Variants in TLR3 observed in about 807,000 individuals in gnomAD.
TLR3 encodes toll-like receptor 3.
A neutral mutation model predicts 66.4 loss-of-function variants in TLR3; 43 were observed. The ratio of observed to expected loss-of-function variants is 0.65; its 90% CI spans 0.51 to 0.83. TLR3 has a LOEUF of 0.83. Among genes scored for constraint, TLR3 ranks in the 40% least tolerant of loss-of-function variants. TLR3 has a pLI of 0.00. For missense variants in TLR3, 982 were observed against 1,044.6 expected, an observed-to-expected ratio of 0.94 and a Z score of 0.83; for synonymous variants, 397 against 397.2, an observed-to-expected ratio of 1.00 and a Z score of 0.01.
At position 186,087,632 on chromosome 4, in the gene TLR3, T is replaced by C. The variant is rs552480040; in HGVS notation, c.*2759T>C. 2 of 152,344 alleles carry C rather than the reference T, an allele frequency of 1.3e-5. No homozygotes were observed. Among genetic ancestry groups the C allele is most frequent in the East Asian group, 3.9e-4 (2 of 5,190 alleles). The allele number at this position is 152,344 out of a possible 1,614,324, so 9.4% of individuals were successfully genotyped here. On this transcript the variant is annotated 3_prime_UTR_variant, in exon 5 of 5. Transcript: ENST00000296795. The stretch of plus-strand genomic sequence containing the variant: ...GGTTGTACCTAAAAATGATAACTTT[T>C]AGACTGTAATCAGAGGTAGATGCTA...
intron 2 of TLR3, 149 bp downstream of exon 2, chr4:186,077,209 CA>C: frequency 1.2e-6 from 1 of 835,490 alleles, no homozygotes; most frequent in Non-Finnish European, 1.8e-6. Context: ...AAAATGCTTC[CA>C]AAAGAGAAAA....
intron 1 of TLR3, among the ~76,000 whole-genome samples, chr4:186,075,930 C>A (rs1229662137): frequency 1.3e-5 from 2 of 152,224 alleles, no homozygotes; most frequent in African/African-American, 4.8e-5. Flanking sequence ...CTGAAGTGGG[C>A]AGATCATGAA....
intron 1 of TLR3, among the ~76,000 whole-genome samples, chr4:186,073,575 G>GAT (rs1328199937): frequency 6.6e-6 from 1 of 151,752 alleles, no homozygotes; most frequent in Non-Finnish European, 1.5e-5. Context: ...AAAAAACCAT[G>GAT]ACTCCTACTT....
At position 186,076,703 on chromosome 4, in the gene TLR3, C is replaced by T; in HGVS notation, c.84C>T (p.Cys28=). Reference sequence around the variant, plus strand: ...TGTGTGCATCCTCCACCACCAAGTGCACTGTTAGCCATGAAGTTGCTGACT... The same window carrying T: ...TGTGTGCATCCTCCACCACCAAGTGTACTGTTAGCCATGAAGTTGCTGACT... ...GMLCASSTTK[C]TVSHEVADCS... Residue 28 remains cysteine (C), a synonymous_variant, in exon 2 of 5, where the codon TGC becomes TGT. Transcript: ENST00000296795. The T allele has an allele frequency of 2.5e-6, 4 of 1,614,172 alleles. No individual in the cohort carries two copies. Among genetic ancestry groups the T allele is most frequent in the Non-Finnish European group, 3.4e-6 (4 of 1,180,036 alleles).
At position 186,083,571 on chromosome 4, in the gene TLR3, G is replaced by A. The variant is rs1454282361; in HGVS notation, c.1885G>A (p.Val629Ile). ...KNLITSVEKK[V>I]FGPAFRNLTE... is the part of the protein sequence containing the mutation. ...TCTCATAACATCCGTTGAGAAGAAG[G>A]TTTTCGGGCCAGCTTTCAGGAACCT... Residue 629 changes from valine to isoleucine, a missense_variant, in exon 4 of 5, where the codon GTT (valine) becomes ATT (isoleucine). Physicochemically the swap from Val to Ile is conservative, Grantham distance 29 (BLOSUM62 3). This residue lies in a region of TLR3 where 666 missense variants were observed against 709.0 expected (regional missense o/e 0.94). Coordinates refer to ENST00000296795, the MANE Select transcript of TLR3 (RefSeq NM_003265.3). The surrounding 1 kb of genome is among the most constrained non-coding windows in gnomAD (Gnocchi z 4.0). The A allele has an allele frequency of 2.5e-6, 4 of 1,612,896 alleles. No homozygotes were observed. In the African/African-American group the frequency reaches 4.0e-5, roughly 16 times the overall value.
rs2099304592 is a variant in TLR3 at position 186,087,740 on chromosome 4, TA to T, written c.*2870del. On this transcript the variant is annotated 3_prime_UTR_variant, in exon 5 of 5. Transcript: ENST00000296795. ...ATTGTTCAAATATACATCTAGGTTG[TA>T]AAGGAGACTCAACGGTAAGTTATAG... 1.3e-5 allele frequency: 2 copies of T among 152,138 alleles called. No homozygotes were observed. The allele number at this position is 152,138 out of a possible 1,614,324, so 9.4% of individuals were successfully genotyped here.
intron 1 of TLR3, among the ~76,000 whole-genome samples, chr4:186,070,656 G>A (rs2099301286): frequency 6.6e-6 from 1 of 151,884 alleles, no homozygotes; most frequent in African/African-American, 2.4e-5. Context: ...CTAAAGTGAT[G>A]GGATTACAGG....
intron 3 of TLR3, among the ~76,000 whole-genome samples, chr4:186,080,540 T>C (rs980853254): frequency 6.6e-6 from 1 of 151,846 alleles, no homozygotes; most frequent in Non-Finnish European, 1.5e-5. Context: ...GATAAATTTT[T>C]AAAAATATTT....
chr4:186,071,781 C>A (rs151337232), intron 1 of TLR3, among the ~76,000 whole-genome samples: 87 of 152,264 alleles, frequency 5.7e-4, no homozygotes, highest in African/African-American at 1.9e-3. Flanking sequence ...CACATTAGTT[C>A]TGTTTTCCTA....
Position 186,076,714 on chromosome 4 carries a change from A to G in TLR3, c.95A>G (p.His32Arg). 2 of 1,614,194 alleles carry G rather than the reference A, an allele frequency of 1.2e-6. No homozygotes were observed. Among genetic ancestry groups the G allele is most frequent in the Non-Finnish European group, 8.5e-7 (1 of 1,180,032 alleles). ...ASSTTKCTVSHEVADCSHLKL... is the reference protein window; with the variant it reads ...ASSTTKCTVSREVADCSHLKL... ...TCCACCACCAAGTGCACTGTTAGCC[A>G]TGAAGTTGCTGACTGCAGCCACCTG... Residue 32 changes from histidine to arginine, a missense_variant, in exon 2 of 5, where the codon CAT becomes CGT. His to Arg is a conservative substitution (Grantham distance 29). Transcript: ENST00000296795.
intron 1 of TLR3, among the ~76,000 whole-genome samples, chr4:186,071,720 A>G (rs1171325257): frequency 2.6e-5 from 4 of 152,218 alleles, no homozygotes; most frequent in African/African-American, 9.7e-5. Context: ...ACTAAATTAG[A>G]ATATTAGTAA....
intron 3 of TLR3, 114 bp downstream of exon 3, chr4:186,079,145 C>A: frequency 1.0e-6 from 1 of 980,628 alleles, no homozygotes; most frequent in Non-Finnish European, 1.5e-6. Context: ...TTCCAGCAAT[C>A]CTTCCCACCT....
rs764860383 is a variant in TLR3 at position 186,083,331 on chromosome 4, G to A, written c.1645G>A (p.Ala549Thr). The change falls in exon 4 of 5, where the codon GCA (alanine) becomes ACA (threonine). Residue 549 changes from alanine (A) to threonine (T), a missense_variant. Physicochemically the swap from Ala to Thr is moderately conservative, Grantham distance 58. Transcript: ENST00000296795. The surrounding 1 kb of genome is among the most constrained non-coding windows in gnomAD (Gnocchi z 4.0). ...HNNLARLWKHANPGGPIYFLK... is the reference protein window; with the variant it reads ...HNNLARLWKHTNPGGPIYFLK... ...CAACTTAGCACGGCTCTGGAAACAC[G>A]CAAACCCTGGTGGTCCCATTTATTT... 7.4e-6 allele frequency: 12 copies of A among 1,613,978 alleles called. No individual in the cohort carries two copies. Among genetic ancestry groups the A allele is most frequent in the East Asian group, 2.2e-5 (1 of 44,886 alleles).
At chr4:186,070,180 C>T (rs981493070) in intron 1 of TLR3, among the ~76,000 whole-genome samples, 3 of 152,004 alleles carry the variant, frequency 2.0e-5, no homozygotes, top group Non-Finnish European at 4.4e-5. Context: ...TCAACAGCAA[C>T]GTTTTCTTCA....
At chr4:186,080,574 A>ATATTT (rs36215783) in intron 3 of TLR3, among the ~76,000 whole-genome samples, 1,721 of 150,066 alleles carry the variant, frequency 0.011, 39 homozygotes, top group African/African-American at 0.036. Flanking sequence ...TTTTTAATCA[A>ATATTT]TATTTTATTT....
intron 1 of TLR3, among the ~76,000 whole-genome samples, chr4:186,073,501 C>G (rs2099301863): frequency 6.6e-6 from 1 of 151,802 alleles, no homozygotes; most frequent in African/African-American, 2.4e-5. Context: ...GCCTGGGTGA[C>G]AGAGTGAGAC....
chr4:186,084,879 T>C lies in TLR3; in HGVS notation c.*6T>C. ...CCAAAAACTCTGTACATTAAATTTA[T>C]TTAAATATTCAATTAGCAAAGGAGA... On this transcript the variant is annotated 3_prime_UTR_variant, in exon 5 of 5. Transcript: ENST00000296795. The C allele has an allele frequency of 6.2e-7, 1 of 1,605,266 alleles. No individual in the cohort carries two copies. The highest frequency in any genetic ancestry group is 8.5e-7 in the Non-Finnish European group (1 of 1,172,970).
In TLR3 at chr4:186,085,078, A is replaced by G. The variant is rs904247050; in HGVS notation, c.*205A>G. On this transcript the variant is annotated 3_prime_UTR_variant, in exon 5 of 5. Coordinates refer to ENST00000296795, the MANE Select transcript of TLR3 (RefSeq NM_003265.3). Reference sequence around the variant, plus strand: ...GACAATTGACTTAATTTTACCCAAAATAAAACATATAAGCACGTAAGAACA... The same window carrying G: ...GACAATTGACTTAATTTTACCCAAAGTAAAACATATAAGCACGTAAGAACA... 1.9e-5 allele frequency: 11 copies of G among 584,672 alleles called. No individual in the cohort carries two copies. The highest frequency in any genetic ancestry group is 3.3e-5 in the Non-Finnish European group (11 of 333,146). 36.2% of individuals were successfully genotyped at this position (584,672 alleles called of 1,614,324 possible). A position where few individuals can be genotyped will look rare whatever the true frequency, so the allele number is the denominator to read the frequency against.
At position 186,083,416 on chromosome 4, in the gene TLR3, TC is replaced by T. The variant is rs1386240591; in HGVS notation, c.1733del (p.Pro578GlnfsTer11). The stretch of plus-strand genomic sequence containing the variant: ...TTGGAGTCCAACGGCTTTGACGAGA[TC>T]CCAGTTGAGGTCTTCAAGGATTTAT... ...LNLESNGFDEIPVEVFKDLFE... is the reference protein window; with the variant it reads ...LNLESNGFDEXPVEVFKDLFE... On this transcript the variant is annotated frameshift_variant, in exon 4 of 5. Coordinates refer to ENST00000296795, the MANE Select transcript of TLR3 (RefSeq NM_003265.3). LOFTEE classifies it high-confidence loss of function. The surrounding 1 kb of genome is among the most constrained non-coding windows in gnomAD (Gnocchi z 4.0). The T allele has an allele frequency of 6.2e-7, 1 of 1,613,950 alleles. No homozygotes were observed. Among genetic ancestry groups the T allele is most frequent in the Non-Finnish European group, 8.5e-7 (1 of 1,179,970 alleles).
Sources: allele counts gnomAD v4.1 joint callset (sites outside exome capture counted in the v4.1 genomes callset), GRCh38; gene constraint gnomAD v4.1.1; regional missense constraint gnomAD v4.1.1; non-coding constraint Gnocchi (gnomAD v3.1); transcripts MANE v1.5; gene names NCBI Gene and HGNC (gene_info 2026-07-23, HGNC 2026-07-21).